The following CALN1 variants were observed in gnomAD, a reference collection of about 807,000 sequenced individuals.
CALN1 encodes the protein calcium-binding protein 8.
Under a neutral mutation model 30.6 loss-of-function variants are expected in CALN1, and 17 were observed. That is an observed-to-expected ratio of 0.56 (90% CI 0.38 to 0.83). The LOEUF is 0.83. CALN1 is among the 40% of genes least tolerant of loss of function. The pLI is 0.00. For synonymous variants in CALN1, 156 were observed against 131.4 expected (o/e 1.19, Z -1.28); for missense variants, 291 against 354.9 (o/e 0.82, Z 1.45).
At chr7:72,365,160 C>A (rs756640747) in intron 2 of CALN1, among the ~76,000 whole-genome samples, 6 of 152,208 alleles carry the variant, frequency 3.9e-5, no homozygotes, top group Middle Eastern at 3.4e-3. Context: ...CAAAAATTAG[C>A]CAGGCCTGGT....
At chr7:72,315,141 C>A (rs561873252) in intron 2 of CALN1, among the ~76,000 whole-genome samples, 2 of 151,964 alleles carry the variant, frequency 1.3e-5, no homozygotes, top group East Asian at 1.9e-4. Flanking sequence ...CAGAGTGAGA[C>A]CCTGTAACTA....
chr7:72,299,147 T>C (rs890128214), intron 2 of CALN1, among the ~76,000 whole-genome samples: 1 of 152,204 alleles, frequency 6.6e-6, no homozygotes, highest in Non-Finnish European at 1.5e-5. Context: ...TATGGGCAAC[T>C]GAAGGCGGCA....
chr7:72,087,017 A>C (rs1214208200), intron 4 of CALN1, among the ~76,000 whole-genome samples: 2 of 152,196 alleles, frequency 1.3e-5, no homozygotes, highest in African/African-American at 4.8e-5. Flanking sequence ...TAAAAAGAAA[A>C]AAAGGGTAAA....
chr7:72,196,764 T>C (rs1791036784), intron 3 of CALN1, among the ~76,000 whole-genome samples: 2 of 152,158 alleles, frequency 1.3e-5, no homozygotes, highest in South Asian at 2.1e-4. Flanking sequence ...ATCAAACACC[T>C]TACCTATGTA....
At chr7:72,040,698 T>G (rs1315883726) in intron 4 of CALN1, among the ~76,000 whole-genome samples, 1 of 152,096 alleles carries the variant, frequency 6.6e-6, no homozygotes, top group Non-Finnish European at 1.5e-5. Context: ...AGGGCACTGA[T>G]AAAACGTGGC....
intron 2 of CALN1, among the ~76,000 whole-genome samples, chr7:72,292,708 C>T (rs1011008296): frequency 1.3e-5 from 2 of 149,444 alleles, no homozygotes; most frequent in Non-Finnish European, 3.0e-5. Flanking sequence ...GTAATCCCAG[C>T]TACTCGGGAG....
At chr7:71,873,186 TAG>T (rs1157061989) in intron 5 of CALN1, among the ~76,000 whole-genome samples, 1 of 151,794 alleles carries the variant, frequency 6.6e-6, no homozygotes, top group Admixed American at 6.6e-5. Flanking sequence ...TTATTTTTAG[TAG>T]AGACAGGGTT....
At position 71,802,083 on chromosome 7, in the gene CALN1, T is replaced by C. The variant is rs28729553; in HGVS notation, c.658+8253A>G. Among the ~76,000 whole-genome samples the C allele has an allele frequency of 2.0e-3, 300 of 152,290 alleles. 1 individual carries two copies. Among genetic ancestry groups the C allele is most frequent in the African/African-American group, 6.9e-3 (285 of 41,564 alleles). On this transcript the variant is annotated intron_variant, in intron 6 of 6. Coordinates refer to ENST00000395275, the MANE Select transcript of CALN1 (RefSeq NM_031468.4). Reference sequence around the variant, plus strand: ...ACTTGGCAGGCATGCGTGACAGTTCTCTTCCACCCTCTTCCTTCTGGACTG... The same window carrying C: ...ACTTGGCAGGCATGCGTGACAGTTCCCTTCCACCCTCTTCCTTCTGGACTG...
chr7:72,020,371 TTTC>T (rs1289665753), intron 5 of CALN1, among the ~76,000 whole-genome samples: 1 of 152,170 alleles, frequency 6.6e-6, no homozygotes, highest in Admixed American at 6.5e-5. Context: ...CACACTCAGC[TTTC>T]TTCTAAACCT....
chr7:72,161,407 G>A (rs1788098189), intron 3 of CALN1, among the ~76,000 whole-genome samples: 2 of 152,242 alleles, frequency 1.3e-5, no homozygotes, highest in Non-Finnish European at 2.9e-5. Flanking sequence ...GATGGAAAGA[G>A]GCCTAAATAA....
intron 4 of CALN1, among the ~76,000 whole-genome samples, chr7:72,032,569 T>A (rs1003382683): frequency 2.6e-5 from 4 of 152,186 alleles, no homozygotes; most frequent in Non-Finnish European, 4.4e-5. Flanking sequence ...TGGCATAGGA[T>A]CACAGGATCT....
chr7:72,112,895 C>A (rs1807677740), intron 3 of CALN1, among the ~76,000 whole-genome samples: 2 of 152,132 alleles, frequency 1.3e-5, no homozygotes, highest in Admixed American at 6.5e-5. Flanking sequence ...GTTGAAGGGA[C>A]AACTCTGAGG....
At chr7:71,829,977 C>CAGA (rs1789162755) in intron 5 of CALN1, among the ~76,000 whole-genome samples, 1 of 151,212 alleles carries the variant, frequency 6.6e-6, no homozygotes, top group Non-Finnish European at 1.5e-5. Flanking sequence ...CATTGTCTGT[C>CAGA]TGTCTGTCTC....
At chr7:72,017,359 G>A (rs1800454675) in intron 5 of CALN1, among the ~76,000 whole-genome samples, 1 of 152,024 alleles carries the variant, frequency 6.6e-6, no homozygotes, top group African/African-American at 2.4e-5. Flanking sequence ...AGTGAGGATT[G>A]GACAGCAGCA....
chr7:72,112,908 G>A (rs1487713255), intron 3 of CALN1, among the ~76,000 whole-genome samples: 2 of 152,160 alleles, frequency 1.3e-5, no homozygotes, highest in African/African-American at 4.8e-5. Context: ...CTCTGAGGAA[G>A]GGCTGTTGGG....
chr7:71,806,240 G>A (rs1281797556), intron 6 of CALN1, among the ~76,000 whole-genome samples: 2 of 142,778 alleles, frequency 1.4e-5, no homozygotes, highest in African/African-American at 5.9e-5. Context: ...GTGTGCACAT[G>A]TGCACGCATG....
At chr7:72,057,147 A>G (rs1330559366) in intron 4 of CALN1, among the ~76,000 whole-genome samples, 1 of 151,880 alleles carries the variant, frequency 6.6e-6, no homozygotes, top group Non-Finnish European at 1.5e-5. Flanking sequence ...GGGTCTCACC[A>G]TGTTGCCCAG....
intron 3 of CALN1, among the ~76,000 whole-genome samples, chr7:72,264,543 G>A (rs190028102): frequency 1.6e-3 from 241 of 151,606 alleles, no homozygotes; most frequent in Non-Finnish European, 3.0e-3. Flanking sequence ...GCCCTGGCTG[G>A]AGTGCAGTGG....
At chr7:72,195,320 A>C (rs1790908705) in intron 3 of CALN1, among the ~76,000 whole-genome samples, 1 of 152,206 alleles carries the variant, frequency 6.6e-6, no homozygotes, top group Non-Finnish European at 1.5e-5. Context: ...ATTCAGGCAC[A>C]TATTTAAGTG....
Sources: gnomAD v4.1 joint callset for allele counts (sites outside exome capture counted in the v4.1 genomes callset) on GRCh38, gnomAD v4.1.1 for gene constraint, MANE v1.5 for transcripts, NCBI Gene and HGNC (gene_info 2026-07-23, HGNC 2026-07-21) for gene names.